SFI1: variants seen among roughly 807,000 people sequenced by gnomAD.
The protein encoded by SFI1 is protein SFI1 homolog.
A neutral mutation model predicts 207.5 loss-of-function variants in SFI1; 195 were observed. The ratio of observed to expected loss-of-function variants is 0.94; its 90% CI spans 0.84 to 1.06. The LOEUF (loss-of-function observed/expected upper bound fraction) is 1.06. Among genes scored for constraint, SFI1 ranks in the 50% least tolerant of loss-of-function variants. The probability of loss-of-function intolerance (pLI) is 0.00; values close to 1 mark genes in which losing one functional copy is unlikely to be tolerated. For synonymous variants in SFI1, 630 were observed against 598.9 expected, an observed-to-expected ratio of 1.05 and a Z score of -0.76; for missense variants, 1,634 against 1,588.0, an observed-to-expected ratio of 1.03 and a Z score of -0.49.
intron 15 of SFI1, among the ~76,000 whole-genome samples, chr22:31,599,474 AC>A (rs1286450536): frequency 8.6e-5 from 13 of 151,810 alleles, no homozygotes; most frequent in African/African-American, 2.9e-4. Context: ...CTATAGGCAC[AC>A]GCCACCACGC....
At chr22:31,612,142 G>C in intron 24 of SFI1, 1 of 920,414 alleles carries the variant, frequency 1.1e-6, no homozygotes, top group Non-Finnish European at 1.3e-6. Context: ...ACTTTGGGAG[G>C]CCGAGGCAGG....
At chr22:31,550,915 C>T (rs2060566605) in intron 6 of SFI1, among the ~76,000 whole-genome samples, 1 of 152,198 alleles carries the variant, frequency 6.6e-6, no homozygotes, top group Non-Finnish European at 1.5e-5. Context: ...CTGCAAGTCA[C>T]AAGTACAACC....
chr22:31,572,870 G>C, intron 8 of SFI1, 188 bp from the exon 9 acceptor site: 1 of 491,728 alleles, frequency 2.0e-6, no homozygotes, highest in Admixed American at 3.2e-5. Context: ...TTTGAAAGCA[G>C]AATGTCCCTC....
intron 15 of SFI1, among the ~76,000 whole-genome samples, chr22:31,594,024 G>C (rs1346291863): frequency 6.8e-5 from 10 of 146,300 alleles, no homozygotes; most frequent in African/African-American, 2.5e-4. Flanking sequence ...GGGAGAGGGA[G>C]AGGGAGGTGT....
intron 4 of SFI1, among the ~76,000 whole-genome samples, chr22:31,538,120 C>T (rs1432049195): frequency 2.0e-5 from 3 of 152,068 alleles, no homozygotes; most frequent in African/African-American, 4.8e-5. Context: ...CACAGGCATG[C>T]GCCACCATGG....
chr22:31,560,278 GA>G (rs1231142457), intron 7 of SFI1, among the ~76,000 whole-genome samples: 1 of 151,286 alleles, frequency 6.6e-6, no homozygotes, highest in African/African-American at 2.4e-5. Context: ...AAACAAGACT[GA>G]AACAAAAGTC....
intron 2 of SFI1, among the ~76,000 whole-genome samples, chr22:31,522,003 G>A (rs1269740413): frequency 6.7e-6 from 1 of 149,626 alleles, no homozygotes; most frequent in Non-Finnish European, 1.5e-5. Context: ...GGCCTCGAGG[G>A]ATCCACCTGC....
intron 14 of SFI1, 135 bp from the exon 15 acceptor site, chr22:31,589,312 G>C: frequency 1.1e-6 from 1 of 952,284 alleles, no homozygotes; most frequent in Non-Finnish European, 1.5e-6. Context: ...TATTGGCAAA[G>C]ATAATAAATA....
intron 2 of SFI1, among the ~76,000 whole-genome samples, chr22:31,510,813 G>A (rs556105033): frequency 6.6e-6 from 1 of 152,142 alleles, no homozygotes; most frequent in East Asian, 1.9e-4. Flanking sequence ...CTAATTTGTT[G>A]GCATAAAGTT....
chr22:31,549,510 A>G (rs942208521), intron 5 of SFI1, among the ~76,000 whole-genome samples: 13 of 151,874 alleles, frequency 8.6e-5, no homozygotes, highest in South Asian at 4.2e-4. Context: ...GACTACAGGC[A>G]CATGCTACTA....
At chr22:31,499,739 A>G (rs1427435566) in intron 1 of SFI1, among the ~76,000 whole-genome samples, 5 of 152,140 alleles carry the variant, frequency 3.3e-5, no homozygotes. Flanking sequence ...AAATTGTCAT[A>G]GCACTTTGGG....
At chr22:31,599,579 C>G (rs904915532) in intron 15 of SFI1, among the ~76,000 whole-genome samples, 2 of 152,218 alleles carry the variant, frequency 1.3e-5, no homozygotes, top group Non-Finnish European at 2.9e-5. Flanking sequence ...ATCCACCTGC[C>G]TTGGCCTCCC....
intron 6 of SFI1, among the ~76,000 whole-genome samples, chr22:31,553,438 C>T (rs2060806943): frequency 6.6e-6 from 1 of 151,846 alleles, no homozygotes. Context: ...TCACTGCAAC[C>T]TCGACCTCCC....
chr22:31,563,637 G>A (rs2061958569), intron 8 of SFI1, among the ~76,000 whole-genome samples: 1 of 152,084 alleles, frequency 6.6e-6, no homozygotes, highest in Non-Finnish European at 1.5e-5. Context: ...CCAGGCTGGA[G>A]TGCAGTGGCA....
chr22:31,570,653 A>G (rs2062853943), intron 8 of SFI1, among the ~76,000 whole-genome samples: 2 of 152,078 alleles, frequency 1.3e-5, no homozygotes, highest in Admixed American at 1.3e-4. Flanking sequence ...GTAAATCCCA[A>G]CACTTTGGGA....
intron 2 of SFI1, among the ~76,000 whole-genome samples, chr22:31,520,102 A>T (rs1024138932): frequency 2.0e-5 from 3 of 151,972 alleles, no homozygotes; most frequent in Non-Finnish European, 2.9e-5. Context: ...ACAAATACAG[A>T]AAACGGCATG....
rs148838009 is a variant in SFI1, at chr22:31,534,522, A to C, written c.338+3393A>C. On this transcript the variant is annotated intron_variant, in intron 4 of 32. Transcript: ENST00000400288. ...GTATTCTCTTTCGGGTAGGTCTGCT[A>C]GTGAGAAATTCTCTCATATTTTGTC... 2.6e-5 allele frequency among the ~76,000 whole-genome samples: 4 copies of C among 152,178 alleles called. No homozygotes were observed. In the East Asian group the frequency reaches 7.7e-4, roughly 29 times the overall value.
intron 6 of SFI1, among the ~76,000 whole-genome samples, chr22:31,551,757 C>T (rs1012728243): frequency 1.3e-5 from 2 of 152,132 alleles, no homozygotes; most frequent in Admixed American, 6.6e-5. Flanking sequence ...AAGAAACTGG[C>T]AAGGTTTTTT....
intron 15 of SFI1, among the ~76,000 whole-genome samples, chr22:31,589,848 T>C (rs1202249121): frequency 6.6e-6 from 1 of 152,144 alleles, no homozygotes; most frequent in Non-Finnish European, 1.5e-5. Flanking sequence ...GTGTTTAATC[T>C]GAACAGCCAG....
Sources: gnomAD v4.1 joint callset for allele counts (sites outside exome capture counted in the v4.1 genomes callset) on GRCh38, gnomAD v4.1.1 for gene constraint, MANE v1.5 for transcripts, NCBI Gene and HGNC (gene_info 2026-07-23, HGNC 2026-07-21) for gene names.